SCEL: variants seen among roughly 807,000 people sequenced by gnomAD.
SCEL encodes the protein sciellin.
SCEL carries 113 observed loss-of-function variants against 117.6 expected under a neutral mutation model. That is an observed-to-expected ratio of 0.96 (90% CI 0.83 to 1.12). SCEL has a LOEUF of 1.12. SCEL is among the 50% of genes most tolerant of loss of function. The pLI, the probability that SCEL is intolerant of heterozygous loss-of-function variation, is 0.00. For missense variants in SCEL, 785 were observed against 810.8 expected (o/e 0.97, Z 0.39); for synonymous variants, 270 against 256.2 (o/e 1.05, Z -0.51).
At chr13:77,601,924 CT>C in intron 15 of SCEL, 140 bp from the exon 16 acceptor site, 1 of 528,698 alleles carries the variant, frequency 1.9e-6, no homozygotes, top group Non-Finnish European at 3.1e-6. Flanking sequence ...CCAAGGACTT[CT>C]GATCCTTTAG....
At chr13:77,567,655 A>G in intron 5 of SCEL, 25 bp from the exon 6 acceptor site, 2 of 1,539,650 alleles carry the variant, frequency 1.3e-6, no homozygotes, top group Non-Finnish European at 1.8e-6. Context: ...ATTTATCCAG[A>G]CTTTTGTCTT....
intron 1 of SCEL, among the ~76,000 whole-genome samples, chr13:77,554,371 A>G (rs1277264339): frequency 6.6e-6 from 1 of 152,188 alleles, no homozygotes; most frequent in African/African-American, 2.4e-5. Context: ...GCCAAGCTTC[A>G]GACTGGTGAG....
intron 1 of SCEL, among the ~76,000 whole-genome samples, chr13:77,540,960 T>A (rs1161397987): frequency 6.6e-6 from 1 of 152,202 alleles, no homozygotes; most frequent in Non-Finnish European, 1.5e-5. Flanking sequence ...AATAGAAAGA[T>A]ACACAAGAGA....
At chr13:77,597,459 A>G (rs1055329662) in intron 12 of SCEL, 86 bp from the exon 13 acceptor site, 2 of 718,454 alleles carry the variant, frequency 2.8e-6, no homozygotes, top group African/African-American at 1.9e-5. Flanking sequence ...GTTGTATTTC[A>G]GAGAACTGTC....
chr13:77,636,469 C>T (rs546898717), intron 29 of SCEL, among the ~76,000 whole-genome samples: 1 of 152,154 alleles, frequency 6.6e-6, no homozygotes, highest in Non-Finnish European at 1.5e-5. Context: ...AAACATATTG[C>T]TCCTATTCTT....
intron 27 of SCEL, among the ~76,000 whole-genome samples, chr13:77,626,971 A>G (rs2089770633): frequency 1.3e-5 from 2 of 152,156 alleles, no homozygotes; most frequent in Admixed American, 6.5e-5. Context: ...CAGAACTATC[A>G]ATGTTATACC....
At chr13:77,604,809 T>C (rs888432905) in intron 19 of SCEL, among the ~76,000 whole-genome samples, 1 of 152,148 alleles carries the variant, frequency 6.6e-6, no homozygotes, top group Non-Finnish European at 1.5e-5. Context: ...AAGTAGTGTA[T>C]GTGAGTGTAT....
intron 11 of SCEL, among the ~76,000 whole-genome samples, chr13:77,592,177 A>G (rs918654535): frequency 8.5e-5 from 13 of 152,148 alleles, no homozygotes; most frequent in Admixed American, 8.5e-4. Flanking sequence ...TTTTTATATT[A>G]TCCCCGTTTG....
intron 13 of SCEL, among the ~76,000 whole-genome samples, chr13:77,598,449 A>G (rs942702211): frequency 2.0e-4 from 31 of 152,130 alleles, no homozygotes; most frequent in Non-Finnish European, 3.8e-4. Flanking sequence ...CCTCATTTAC[A>G]AGGAGAGGAG....
intron 27 of SCEL, among the ~76,000 whole-genome samples, chr13:77,625,505 G>A (rs111440099): frequency 4.6e-5 from 7 of 152,068 alleles, no homozygotes; most frequent in Admixed American, 1.3e-4. Context: ...TGATACTTCC[G>A]AGCTACTTCT....
At chr13:77,627,376 T>C (rs764881132) in intron 27 of SCEL, among the ~76,000 whole-genome samples, 2 of 152,120 alleles carry the variant, frequency 1.3e-5, no homozygotes, top group Non-Finnish European at 2.9e-5. Context: ...AAATGTTAGC[T>C]GAAAAGAAGT....
rs1567325974 is a variant in SCEL at position 77,539,791 on chromosome 13, C to T, written c.-20+3967C>T. ...TCACGTGGTCTGCCCGCCTCTGCCTCCCAAAGTGCTGGGATTACAGGCGTG... is the reference window on the plus strand; with the variant it reads ...TCACGTGGTCTGCCCGCCTCTGCCTTCCAAAGTGCTGGGATTACAGGCGTG... On this transcript the variant is annotated intron_variant, in intron 1 of 32. Coordinates refer to ENST00000349847, the MANE Select transcript of SCEL (RefSeq NM_144777.3). Among the ~76,000 whole-genome samples, 4 of 152,250 alleles carry T rather than the reference C, an allele frequency of 2.6e-5. No homozygotes were observed. In the South Asian group the frequency reaches 8.3e-4, roughly 32 times the overall value.
At chr13:77,567,606 A>T (rs974359159) in intron 5 of SCEL, 74 bp from the exon 6 acceptor site, 6 of 1,003,608 alleles carry the variant, frequency 6.0e-6, no homozygotes, top group Non-Finnish European at 9.4e-6. Context: ...AAGCTATTCT[A>T]GCATGAAAAT....
chr13:77,637,653 C>T (rs2090368788), intron 30 of SCEL, among the ~76,000 whole-genome samples: 1 of 152,086 alleles, frequency 6.6e-6, no homozygotes, highest in Admixed American at 6.6e-5. Flanking sequence ...CTGGTGATCC[C>T]CAGGAGGCCC....
At chr13:77,548,908 G>A (rs2154394835) in intron 1 of SCEL, among the ~76,000 whole-genome samples, 1 of 152,248 alleles carries the variant, frequency 6.6e-6, no homozygotes, top group Non-Finnish European at 1.5e-5. Context: ...TTTATGAGCA[G>A]GGTGTATAGT....
chr13:77,593,618 G>A (rs1272398334), intron 12 of SCEL, 45 bp downstream of exon 12: 2 of 1,477,698 alleles, frequency 1.4e-6, no homozygotes, highest in Non-Finnish European at 1.9e-6. Context: ...CTTCCCTGGT[G>A]TTTCAAAAAT....
At chr13:77,543,082 C>CTTTTT (rs71203061) in intron 1 of SCEL, among the ~76,000 whole-genome samples, 5 of 122,470 alleles carry the variant, frequency 4.1e-5, no homozygotes, top group East Asian at 2.2e-4. Flanking sequence ...TCTACTTTAG[C>CTTTTT]TTTTTTTTTT....
In SCEL at chr13:77,637,239, G is replaced by GACACAC. The variant is rs35846521; in HGVS notation, c.1838+53_1838+58dup. 1.0e-5 allele frequency: 7 copies of GACACAC among 702,652 alleles called. No homozygotes were observed. The African/African-American group carries it at 1.6e-4, about 16-fold the overall frequency. The allele number at this position is 702,652 out of a possible 1,614,324, so 43.5% of individuals were successfully genotyped here. ...CATACATAAAAAGTACACACATACA[G>GACACAC]ACACACACACACATATATATATATA... is the stretch of plus-strand genomic sequence containing the variant. On this transcript the variant is annotated intron_variant, in intron 30 of 32. Coordinates refer to ENST00000349847, the MANE Select transcript of SCEL (RefSeq NM_144777.3).
intron 28 of SCEL, among the ~76,000 whole-genome samples, chr13:77,632,641 T>G (rs1472727413): frequency 6.6e-6 from 1 of 152,228 alleles, no homozygotes; most frequent in East Asian, 1.9e-4. Context: ...GATTAAGACC[T>G]AAACCCTCAT....
Sources: allele counts gnomAD v4.1 joint callset (sites outside exome capture counted in the v4.1 genomes callset), GRCh38; gene constraint gnomAD v4.1.1; transcripts MANE v1.5; gene names NCBI Gene and HGNC (gene_info 2026-07-23, HGNC 2026-07-21).